The following SLC25A26 variants were observed in gnomAD, a reference collection of about 807,000 sequenced individuals.
SLC25A26 encodes solute carrier family 25 member 26.
In SLC25A26, 36 loss-of-function variants were observed where a neutral mutation model predicts 37.8. The observed-to-expected ratio is 0.95, with a 90% CI of 0.73 to 1.26. The LOEUF (loss-of-function observed/expected upper bound fraction) is 1.26, where lower values mean the gene tolerates loss of function less well. SLC25A26 is among the 50% of genes most tolerant of loss of function. SLC25A26 has a pLI of 0.00. For missense variants in SLC25A26, 390 were observed against 331.1 expected, an observed-to-expected ratio of 1.18 and a Z score of -1.38; for synonymous variants, 129 against 122.5, an observed-to-expected ratio of 1.05 and a Z score of -0.35.
chr3:66,375,644 C>A (rs1700604786), intron 9 of SLC25A26, among the ~76,000 whole-genome samples: 1 of 152,180 alleles, frequency 6.6e-6, no homozygotes, highest in African/African-American at 2.4e-5. Flanking sequence ...CTCTTTACAG[C>A]ATGCTTTCTT....
At chr3:66,303,713 A>G (rs62246874) in intron 5 of SLC25A26, among the ~76,000 whole-genome samples, 4,660 of 152,260 alleles carry the variant, frequency 0.031, 113 homozygotes, top group Middle Eastern at 0.14. Flanking sequence ...GTTTAAGGTG[A>G]CATATATTGA....
At chr3:66,150,327 G>A (rs1240136308) in intron 1 of SLC25A26, among the ~76,000 whole-genome samples, 1 of 150,872 alleles carries the variant, frequency 6.6e-6, no homozygotes, top group Non-Finnish European at 1.5e-5. Context: ...ATGAAATCCT[G>A]TCTTTACTAA....
intron 1 of SLC25A26, among the ~76,000 whole-genome samples, chr3:66,151,794 A>T (rs1375750277): frequency 6.6e-6 from 1 of 152,186 alleles, no homozygotes; most frequent in Non-Finnish European, 1.5e-5. Flanking sequence ...TAGTTACATA[A>T]TTGGCACTTA....
intron 1 of SLC25A26, among the ~76,000 whole-genome samples, chr3:66,150,498 A>C (rs2070182748): frequency 1.1e-5 from 1 of 93,098 alleles, no homozygotes; most frequent in Non-Finnish European, 2.2e-5. Flanking sequence ...ACTCTATCTC[A>C]AGACAAAAAA....
intron 3 of SLC25A26, among the ~76,000 whole-genome samples, chr3:66,248,699 G>C (rs2072956243): frequency 6.6e-6 from 1 of 152,140 alleles, no homozygotes; most frequent in South Asian, 2.1e-4. Context: ...TCCTTTTCAA[G>C]TGTCCTTTAT....
chr3:66,286,696 C>T (rs912276500), intron 5 of SLC25A26, among the ~76,000 whole-genome samples: 4 of 151,924 alleles, frequency 2.6e-5, no homozygotes, highest in Non-Finnish European at 2.9e-5. Context: ...TTCTTTTTCT[C>T]GAGACAAGGG....
At chr3:66,279,398 C>T (rs185933771) in intron 5 of SLC25A26, among the ~76,000 whole-genome samples, 5 of 152,174 alleles carry the variant, frequency 3.3e-5, no homozygotes, top group African/African-American at 4.8e-5. Context: ...GCCAACAGCT[C>T]TGCCTCTGTT....
At chr3:66,341,423 A>G (rs1485172482) in intron 5 of SLC25A26, among the ~76,000 whole-genome samples, 2 of 152,180 alleles carry the variant, frequency 1.3e-5, no homozygotes, top group Non-Finnish European at 2.9e-5. Context: ...TTGGCACTCT[A>G]ACATGTAAAG....
intron 9 of SLC25A26, among the ~76,000 whole-genome samples, chr3:66,377,079 T>C (rs332375): frequency 0.1 from 15,426 of 152,194 alleles, 867 homozygotes; most frequent in African/African-American, 0.15. Flanking sequence ...TTTTAAAGAA[T>C]GAATCCCCAA....
chr3:66,302,227 A>T (rs2075096765), intron 5 of SLC25A26, among the ~76,000 whole-genome samples: 1 of 152,174 alleles, frequency 6.6e-6, no homozygotes, highest in Non-Finnish European at 1.5e-5. Context: ...CAATCTCTAG[A>T]CCATAAATTT....
intron 5 of SLC25A26, among the ~76,000 whole-genome samples, chr3:66,290,708 C>T (rs920490194): frequency 6.6e-5 from 10 of 152,052 alleles, no homozygotes; most frequent in East Asian, 1.9e-4. Flanking sequence ...CTGCTGGATT[C>T]GGTTTGCCAG....
rs147895783 is a variant in SLC25A26 at position 66,142,774 on chromosome 3, C to G, written c.-354+8790C>G. 7.9e-5 allele frequency among the ~76,000 whole-genome samples: 12 copies of G among 151,984 alleles called. 1 individual carries two copies. In the East Asian group the frequency reaches 1.9e-3, roughly 24 times the overall value. On this transcript the variant is annotated intron_variant, in intron 1 of 10. Transcript: ENST00000676754. ...ATTCTCTTGTTAAGCTGTTTTTTCT[C>G]TTTTTTTGAGACAGGGTCTGCCTCT...
intron 5 of SLC25A26, among the ~76,000 whole-genome samples, chr3:66,275,006 G>A (rs1422911984): frequency 6.6e-6 from 1 of 151,998 alleles, no homozygotes; most frequent in African/African-American, 2.4e-5. Context: ...CAAGCCAAAT[G>A]TCCAACAATG....
intron 5 of SLC25A26, among the ~76,000 whole-genome samples, chr3:66,294,371 TC>T (rs2074825052): frequency 6.6e-6 from 1 of 152,184 alleles, no homozygotes; most frequent in Non-Finnish European, 1.5e-5. Flanking sequence ...TGATTTTGTA[TC>T]CTGAGACTCT....
chr3:66,303,703 G>A (rs1426980244), intron 5 of SLC25A26, among the ~76,000 whole-genome samples: 1 of 152,144 alleles, frequency 6.6e-6, no homozygotes, highest in Non-Finnish European at 1.5e-5. Context: ...AACTTTAGTG[G>A]TTTAAGGTGA....
intron 5 of SLC25A26, among the ~76,000 whole-genome samples, chr3:66,310,545 G>C (rs1000035385): frequency 1.3e-5 from 2 of 152,170 alleles, no homozygotes; most frequent in African/African-American, 4.8e-5. Flanking sequence ...CATGATGCTA[G>C]CTGTTTATTT....
intron 5 of SLC25A26, among the ~76,000 whole-genome samples, chr3:66,339,044 T>G (rs2076150369): frequency 6.6e-6 from 1 of 152,074 alleles, no homozygotes; most frequent in African/African-American, 2.4e-5. Flanking sequence ...TGCAAGTGTC[T>G]GTTTGAGTCT....
chr3:66,234,744 A>G (rs1012199921), intron 1 of SLC25A26, among the ~76,000 whole-genome samples: 5 of 152,204 alleles, frequency 3.3e-5, no homozygotes, highest in African/African-American at 1.2e-4. Flanking sequence ...GTAGCATTGC[A>G]CATTTTGTAA....
chr3:66,350,345 G>A (rs1206133838), intron 6 of SLC25A26, among the ~76,000 whole-genome samples: 1 of 152,128 alleles, frequency 6.6e-6, no homozygotes, highest in East Asian at 1.9e-4. Flanking sequence ...CTGTTAATCA[G>A]TATTCTCCTG....
Sources: allele counts gnomAD v4.1 joint callset (sites outside exome capture counted in the v4.1 genomes callset), GRCh38; gene constraint gnomAD v4.1.1; transcripts MANE v1.5; gene names NCBI Gene and HGNC (gene_info 2026-07-23, HGNC 2026-07-21).